The following PPM1D variants were observed in gnomAD, a reference collection of about 807,000 sequenced individuals.
PPM1D encodes protein phosphatase, Mg2+/Mn2+ dependent 1D.
A neutral mutation model predicts 58.3 loss-of-function variants in PPM1D; 52 were observed. The observed-to-expected ratio is 0.89, with a 90% CI of 0.71 to 1.12. PPM1D has a LOEUF of 1.12. PPM1D is among the 50% of genes most tolerant of loss of function. PPM1D has a pLI of 0.00. For synonymous variants in PPM1D, 278 were observed against 285.1 expected (o/e 0.98, Z 0.25); for missense variants, 564 against 777.2 (o/e 0.73, Z 3.26).
intron 1 of PPM1D, among the ~76,000 whole-genome samples, chr17:60,617,949 C>T (rs2030618539): frequency 6.6e-6 from 1 of 152,210 alleles, no homozygotes; most frequent in African/African-American, 2.4e-5. Flanking sequence ...TCCTGACTTT[C>T]ATCATGAGAG....
chr17:60,633,072 G>A (rs2030958288), intron 2 of PPM1D, among the ~76,000 whole-genome samples: 1 of 151,942 alleles, frequency 6.6e-6, no homozygotes, highest in Non-Finnish European at 1.5e-5. Context: ...GATCACTTGA[G>A]GTTGGGAGTT....
chr17:60,633,022 C>T (rs1392396132), intron 2 of PPM1D, among the ~76,000 whole-genome samples: 1 of 151,356 alleles, frequency 6.6e-6, no homozygotes, highest in Non-Finnish European at 1.5e-5. Context: ...TGGCTGACGT[C>T]AGCCTGTAAT....
In PPM1D at chr17:60,664,959, C is replaced by T. The variant is rs994607130; in HGVS notation, c.*1407C>T. On this transcript the variant is annotated 3_prime_UTR_variant, in exon 6 of 6. Transcript: ENST00000305921. ...AAGCTGGGATTACAGGTGTGTGCCA[C>T]CACACCCGGCTAATTTTTTTTTTTT... 1 of 148,536 alleles carries T rather than the reference C, an allele frequency of 6.7e-6. No individual in the cohort carries two copies. Among genetic ancestry groups the T allele is most frequent in the Middle Eastern group, 3.5e-3 (1 of 284 alleles). 9.2% of individuals were successfully genotyped at this position (148,536 alleles called of 1,614,324 possible).
At chr17:60,638,290 G>A (rs958978983) in intron 3 of PPM1D, among the ~76,000 whole-genome samples, 130 of 151,958 alleles carry the variant, frequency 8.6e-4, no homozygotes, top group African/African-American at 2.9e-3. Flanking sequence ...CAAAAATAAT[G>A]CTACCTTTTA....
intron 3 of PPM1D, among the ~76,000 whole-genome samples, chr17:60,647,064 A>G (rs2143701212): frequency 6.6e-6 from 1 of 152,330 alleles, no homozygotes; most frequent in South Asian, 2.1e-4. Context: ...CTTTTTCTTC[A>G]AAATTATCTT....
intron 1 of PPM1D, among the ~76,000 whole-genome samples, chr17:60,607,151 AG>A (rs1212554547): frequency 1.3e-5 from 2 of 152,026 alleles, no homozygotes; most frequent in African/African-American, 2.4e-5. Context: ...CTTTATTAAA[AG>A]GTCATTATTT....
chr17:60,626,404 T>TTG (rs934557271), intron 2 of PPM1D, among the ~76,000 whole-genome samples: 1 of 151,902 alleles, frequency 6.6e-6, no homozygotes, highest in African/African-American at 2.4e-5. Flanking sequence ...TTTTTTGTTT[T>TTG]TTTTTTTTGA....
At chr17:60,642,180 T>C (rs1276246684) in intron 3 of PPM1D, among the ~76,000 whole-genome samples, 2 of 152,196 alleles carry the variant, frequency 1.3e-5, no homozygotes, top group Non-Finnish European at 2.9e-5. Context: ...TCTATGAGTA[T>C]GAATCATCTG....
At chr17:60,626,305 G>C (rs984310872) in intron 2 of PPM1D, among the ~76,000 whole-genome samples, 2 of 151,870 alleles carry the variant, frequency 1.3e-5, no homozygotes, top group Admixed American at 1.3e-4. Context: ...AGTGTATGTG[G>C]ATGTCCTGGA....
rs747326663 is a variant in PPM1D at position 60,663,154 on chromosome 17, C to G, written c.1420C>G (p.Leu474Val). The part of the protein sequence containing the change: ...VVIPSKDPEP[L>V]EENCAKALTL... The stretch of plus-strand genomic sequence containing the variant: ...CATACCCTCAAAAGATCCAGAACCA[C>G]TTGAAGAAAATTGCGCTAAAGCCCT... The change falls in exon 6 of 6, where the codon CTT becomes GTT. Residue 474 changes from leucine to valine, a missense_variant. Leu to Val is a conservative substitution (Grantham distance 32). Coordinates refer to ENST00000305921, the MANE Select transcript of PPM1D (RefSeq NM_003620.4). 1 of 1,614,106 alleles carries G rather than the reference C, an allele frequency of 6.2e-7. No homozygotes were observed. The highest frequency in any genetic ancestry group is 8.5e-7 in the Non-Finnish European group (1 of 1,180,000).
intron 4 of PPM1D, among the ~76,000 whole-genome samples, chr17:60,652,698 G>A (rs775792641): frequency 4.6e-5 from 7 of 151,638 alleles, no homozygotes; most frequent in Admixed American, 1.3e-4. Flanking sequence ...TGATGCAAGT[G>A]GTTTTAACTG....
At chr17:60,655,608 A>G (rs2031423627) in intron 4 of PPM1D, among the ~76,000 whole-genome samples, 1 of 151,576 alleles carries the variant, frequency 6.6e-6, no homozygotes, top group African/African-American at 2.4e-5. Context: ...CCACCTCCCA[A>G]AGTACTGGGA....
chr17:60,626,233 G>A (rs1206934474), intron 2 of PPM1D, among the ~76,000 whole-genome samples: 2 of 152,024 alleles, frequency 1.3e-5, no homozygotes, highest in South Asian at 2.1e-4. Flanking sequence ...AGAGGTGTAT[G>A]TTTTGAATAT....
rs567713649 is a variant in PPM1D, at chr17:60,639,680, C to T, written c.826+5703C>T. ...CTCGAACTCCTGACCTCAGGTGATC[C>T]GCCTGCCTCGGGTTCCCAAAGTGTT... On this transcript the variant is annotated intron_variant, in intron 3 of 5. Transcript: ENST00000305921. Among the ~76,000 whole-genome samples the T allele has an allele frequency of 4.6e-4, 70 of 152,296 alleles. No individual in the cohort carries two copies. In the South Asian group the frequency reaches 0.014, roughly 30 times the overall value.
At chr17:60,660,203 GT>G (rs555315726) in intron 5 of PPM1D, among the ~76,000 whole-genome samples, 13 of 152,226 alleles carry the variant, frequency 8.5e-5, no homozygotes, top group South Asian at 4.1e-4. Flanking sequence ...GGGTGTGGTG[GT>G]GGGTGCCTGT....
chr17:60,655,333 C>G (rs1271034723), intron 4 of PPM1D, among the ~76,000 whole-genome samples: 2 of 152,068 alleles, frequency 1.3e-5, no homozygotes, highest in African/African-American at 4.8e-5. Context: ...TCTTAAATAA[C>G]TTGATGTTTA....
intron 1 of PPM1D, among the ~76,000 whole-genome samples, chr17:60,611,500 G>A (rs1415079919): frequency 1.3e-5 from 2 of 150,990 alleles, no homozygotes; most frequent in African/African-American, 4.9e-5. Context: ...CACGATCTTG[G>A]CTCTGCCTCC....
At chr17:60,644,327 G>A (rs367921300) in intron 3 of PPM1D, among the ~76,000 whole-genome samples, 7 of 151,836 alleles carry the variant, frequency 4.6e-5, no homozygotes, top group African/African-American at 1.5e-4. Flanking sequence ...ATAAAGATGG[G>A]GTTTCACTGT....
intron 3 of PPM1D, among the ~76,000 whole-genome samples, chr17:60,640,364 T>C (rs1404737529): frequency 1.3e-5 from 2 of 152,344 alleles, no homozygotes; most frequent in South Asian, 4.1e-4. Flanking sequence ...ATAACAGAGT[T>C]GGAATGGGAA....
Sources: gnomAD v4.1 joint callset for allele counts (sites outside exome capture counted in the v4.1 genomes callset) on GRCh38, gnomAD v4.1.1 for gene constraint, MANE v1.5 for transcripts, NCBI Gene and HGNC (gene_info 2026-07-23, HGNC 2026-07-21) for gene names.